The following KIAA1217 variants were observed in gnomAD, a reference collection of about 807,000 sequenced individuals.
The protein encoded by KIAA1217 is sickle tail protein homolog.
In KIAA1217, 88 loss-of-function variants were observed where a neutral mutation model predicts 163.9. That is an observed-to-expected ratio of 0.54 (90% CI 0.45 to 0.64). KIAA1217 has a LOEUF of 0.64. KIAA1217 is among the 30% of genes least tolerant of loss of function. The pLI, the probability that KIAA1217 is intolerant of heterozygous loss-of-function variation, is 0.00. For synonymous variants in KIAA1217, 903 were observed against 923.1 expected, an observed-to-expected ratio of 0.98 and a Z score of 0.39; for missense variants, 2,372 against 2,475.0, an observed-to-expected ratio of 0.96 and a Z score of 0.88.
At chr10:24,053,594 T>C (rs959791180) in intron 2 of KIAA1217, among the ~76,000 whole-genome samples, 1 of 152,098 alleles carries the variant, frequency 6.6e-6, no homozygotes, top group Non-Finnish European at 1.5e-5. Flanking sequence ...TCTGAAACTA[T>C]GATTCCTACA....
At position 23,695,665 on chromosome 10, in the gene KIAA1217, T is replaced by C. The variant is rs757960914; in HGVS notation, c.-321+431T>C. 4.6e-5 allele frequency among the ~76,000 whole-genome samples: 7 copies of C among 152,040 alleles called. No individual in the cohort carries two copies. The highest frequency in any genetic ancestry group is 7.4e-5 in the Non-Finnish European group (5 of 67,994). On this transcript the variant is annotated intron_variant, in intron 1 of 18. Transcript: ENST00000376462. This position sits in a 1 kb window ranked among gnomAD's most constrained non-coding sequence, Gnocchi z 4.9. ...GCGAAGAGGGCATTGCTCTTTCTGA[T>C]GGCTGGAAGACAGGGGCAAGGAGAG...
At chr10:24,153,195 C>A (rs1372934765) in intron 2 of KIAA1217, among the ~76,000 whole-genome samples, 1 of 152,188 alleles carries the variant, frequency 6.6e-6, no homozygotes, top group South Asian at 2.1e-4. Flanking sequence ...GTCTTGGAAG[C>A]AAATAACTCT....
chr10:24,181,522 G>A (rs1050264869), intron 2 of KIAA1217, among the ~76,000 whole-genome samples: 29 of 152,012 alleles, frequency 1.9e-4, no homozygotes, highest in African/African-American at 7.0e-4. Flanking sequence ...GGGCTTTGAG[G>A]CCATGATAAG....
At chr10:24,260,137 C>T (rs1165981167) in intron 2 of KIAA1217, among the ~76,000 whole-genome samples, 1 of 152,126 alleles carries the variant, frequency 6.6e-6, no homozygotes, top group East Asian at 1.9e-4. Context: ...TTATTTAAAT[C>T]AAAGCACTCT....
At chr10:24,226,629 G>A (rs930082760) in intron 2 of KIAA1217, among the ~76,000 whole-genome samples, 4 of 151,466 alleles carry the variant, frequency 2.6e-5, no homozygotes, top group Non-Finnish European at 5.9e-5. Context: ...GTGACAGAGC[G>A]AGACTCCATC....
At chr10:23,901,509 T>C (rs755048128) in intron 1 of KIAA1217, among the ~76,000 whole-genome samples, 87 of 152,150 alleles carry the variant, frequency 5.7e-4, no homozygotes, top group Non-Finnish European at 5.7e-4. Flanking sequence ...AACTAACTTA[T>C]GTTGGAAATC....
At chr10:23,705,476 T>G (rs1836823964) in intron 1 of KIAA1217, among the ~76,000 whole-genome samples, 1 of 152,176 alleles carries the variant, frequency 6.6e-6, no homozygotes, top group South Asian at 2.1e-4. Flanking sequence ...CATGTGGATA[T>G]TCAATTGTCC....
chr10:24,219,804 A>G lies in KIAA1217; in HGVS notation c.249A>G (p.Thr83=). ...CCAAGGAAATACTGGGAATGCAAACATCTGAGATGGATCGGAAGAGAGAAG... is the reference window on the plus strand; with the variant it reads ...CCAAGGAAATACTGGGAATGCAAACGTCTGAGATGGATCGGAAGAGAGAAG... ...RSSKEILGMQ[T]SEMDRKREAF... The change falls in exon 2 of 21, where the codon ACA becomes ACG. Residue 83 remains threonine, a synonymous_variant. Coordinates refer to ENST00000376454, the MANE Select transcript of KIAA1217 (RefSeq NM_019590.5). 6.2e-7 allele frequency: 1 copy of G among 1,614,024 alleles called. No individual in the cohort carries two copies. Among genetic ancestry groups the G allele is most frequent in the South Asian group, 1.1e-5 (1 of 91,076 alleles).
At chr10:24,474,161 C>A in intron 6 of KIAA1217, 101 bp downstream of exon 6, 2 of 830,632 alleles carry the variant, frequency 2.4e-6, no homozygotes, top group East Asian at 5.2e-5. Flanking sequence ...TCTGAGCACC[C>A]ATCTCTGCAG....
chr10:24,362,389 G>A (rs1049774791), intron 2 of KIAA1217, among the ~76,000 whole-genome samples: 4 of 152,074 alleles, frequency 2.6e-5, no homozygotes, highest in Non-Finnish European at 5.9e-5. Flanking sequence ...TTCTCCACTG[G>A]TAAAATAGAG....
intron 2 of KIAA1217, among the ~76,000 whole-genome samples, chr10:24,109,630 T>TA (rs2062767229): frequency 6.6e-6 from 1 of 151,848 alleles, no homozygotes; most frequent in Non-Finnish European, 1.5e-5. Context: ...TGAAGAGTGT[T>TA]AAAAAAGAGG....
intron 2 of KIAA1217, among the ~76,000 whole-genome samples, chr10:24,319,538 A>G (rs889201304): frequency 6.6e-6 from 1 of 152,238 alleles, no homozygotes; most frequent in Non-Finnish European, 1.5e-5. Flanking sequence ...GCGAGAAGTC[A>G]GAAAAATAAT....
intron 5 of KIAA1217, 116 bp downstream of exon 5, chr10:24,438,595 C>G: frequency 3.0e-6 from 2 of 666,890 alleles, no homozygotes; most frequent in Non-Finnish European, 5.4e-6. Context: ...GTTCTCCGCA[C>G]TCATCTCACC....
chr10:24,348,736 C>T (rs1248052304), intron 2 of KIAA1217, among the ~76,000 whole-genome samples: 1 of 152,108 alleles, frequency 6.6e-6, no homozygotes, highest in African/African-American at 2.4e-5. Flanking sequence ...TTTTCACACC[C>T]ATCCCCCAAG....
rs545296752 is a variant in KIAA1217 at position 24,242,380 on chromosome 10, G to A, written c.354+22471G>A. Among the ~76,000 whole-genome samples, 256 of 152,216 alleles carry A rather than the reference G, an allele frequency of 1.7e-3. 1 individual carries two copies. In the South Asian group the frequency reaches 0.018, roughly 10 times the overall value. On this transcript the variant is annotated intron_variant, in intron 2 of 20. Transcript: ENST00000376454. ...TTCTATTTCTGCATTAATTTGCTAGGAAAATGGTATTCAGCTCCATCCATG... is the reference window on the plus strand; with the variant it reads ...TTCTATTTCTGCATTAATTTGCTAGAAAAATGGTATTCAGCTCCATCCATG...
intron 2 of KIAA1217, among the ~76,000 whole-genome samples, chr10:24,078,583 T>C (rs1420453987): frequency 2.0e-5 from 3 of 152,224 alleles, no homozygotes; most frequent in Non-Finnish European, 4.4e-5. Context: ...CAAGCAGCTG[T>C]GTGACCATTC....
chr10:24,064,243 GT>G (rs1025364034), intron 2 of KIAA1217, among the ~76,000 whole-genome samples: 1 of 152,106 alleles, frequency 6.6e-6, no homozygotes, highest in African/African-American at 2.4e-5. Context: ...AGTGCTTCTA[GT>G]TTTTCTCCAT....
At chr10:23,823,710 A>G (rs1837733854) in intron 1 of KIAA1217, among the ~76,000 whole-genome samples, 1 of 152,202 alleles carries the variant, frequency 6.6e-6, no homozygotes, top group Non-Finnish European at 1.5e-5. Context: ...TAAGTTAGAA[A>G]ACAAAGAATA....
chr10:24,377,356 C>T (rs1159819649), intron 2 of KIAA1217, among the ~76,000 whole-genome samples: 1 of 152,178 alleles, frequency 6.6e-6, no homozygotes, highest in Non-Finnish European at 1.5e-5. Context: ...GCTCACGTGG[C>T]TCAGAGAATA....
Sources: allele counts gnomAD v4.1 joint callset (sites outside exome capture counted in the v4.1 genomes callset), GRCh38; gene constraint gnomAD v4.1.1; non-coding constraint Gnocchi (gnomAD v3.1); transcripts MANE v1.5; gene names NCBI Gene and HGNC (gene_info 2026-07-23, HGNC 2026-07-21).